Variants in BACH2 observed in about 807,000 individuals in gnomAD.
BACH2 encodes transcription regulator protein BACH2.
A neutral mutation model predicts 61.8 loss-of-function variants in BACH2; 5 were observed. That is an observed-to-expected ratio of 0.08 (90% CI 0.04 to 0.17). The LOEUF is 0.17. Among genes scored for constraint, BACH2 ranks in the 10% least tolerant of loss-of-function variants. The pLI is 1.00. For missense variants in BACH2, 824 were observed against 1,091.1 expected, an observed-to-expected ratio of 0.76 and a Z score of 3.45; for synonymous variants, 446 against 440.1, an observed-to-expected ratio of 1.01 and a Z score of -0.17.
chr6:90,223,771 A>G (rs188265654), intron 3 of BACH2, among the ~76,000 whole-genome samples: 270 of 152,294 alleles, frequency 1.8e-3, no homozygotes, highest in African/African-American at 5.6e-3. Context: ...CACCAGGCTC[A>G]GCCTCAATTG....
At chr6:90,102,791 AAATAATAAT>A (rs372366852) in intron 4 of BACH2, among the ~76,000 whole-genome samples, 6,540 of 113,618 alleles carry the variant, frequency 0.058, 205 homozygotes, top group South Asian at 0.1. Context: ...ACTCCATTTC[AAATAATAAT>A]AATAATAATA....
intron 6 of BACH2, among the ~76,000 whole-genome samples, chr6:89,958,341 TG>T (rs1007015079): frequency 8.5e-5 from 13 of 152,356 alleles, no homozygotes; most frequent in African/African-American, 2.4e-4. Context: ...ATGCAAGGTC[TG>T]GGGACTCCAC....
chr6:90,238,295 G>C (rs778978271), intron 3 of BACH2, among the ~76,000 whole-genome samples: 7 of 152,160 alleles, frequency 4.6e-5, no homozygotes, highest in Non-Finnish European at 1.0e-4. Context: ...AAAATTATGG[G>C]AAGACACACA....
At chr6:90,194,067 A>AT (rs879794355) in intron 4 of BACH2, among the ~76,000 whole-genome samples, 81 of 147,700 alleles carry the variant, frequency 5.5e-4, no homozygotes, top group South Asian at 1.3e-3. Context: ...AATCCACTTA[A>AT]TTTTTTTTTT....
At chr6:90,031,490 G>A (rs539977350) in intron 5 of BACH2, among the ~76,000 whole-genome samples, 1 of 151,998 alleles carries the variant, frequency 6.6e-6, no homozygotes, top group Non-Finnish European at 1.5e-5. Context: ...TAAGCTGATA[G>A]GCAACTTCAG....
At chr6:90,257,494 C>T (rs928286832) in intron 2 of BACH2, among the ~76,000 whole-genome samples, 1 of 152,162 alleles carries the variant, frequency 6.6e-6, no homozygotes, top group African/African-American at 2.4e-5. Flanking sequence ...TTTCATATGC[C>T]TGTGGCCATC....
chr6:90,100,319 T>G (rs1331665162), intron 4 of BACH2, among the ~76,000 whole-genome samples: 1 of 152,192 alleles, frequency 6.6e-6, no homozygotes, highest in African/African-American at 2.4e-5. Context: ...CTAGGTAGGA[T>G]GGTTAATTTT....
At chr6:90,106,404 G>C (rs1033503405) in intron 4 of BACH2, among the ~76,000 whole-genome samples, 2 of 152,128 alleles carry the variant, frequency 1.3e-5, no homozygotes, top group Admixed American at 1.3e-4. Flanking sequence ...CCTTTTCTAT[G>C]TTTAGATACA....
At chr6:90,032,266 T>C (rs911360022) in intron 5 of BACH2, among the ~76,000 whole-genome samples, 8 of 149,704 alleles carry the variant, frequency 5.3e-5, no homozygotes, top group Non-Finnish European at 1.2e-4. Context: ...AAAGAAAACC[T>C]AGGCAATACC....
In BACH2 at chr6:90,008,567, A is replaced by T. The variant is rs1379551019; in HGVS notation, c.243+35T>A. ...GCCAGTTTTCTGTAAGTCAATAAAC[A>T]TTCATTAACAATCACACAAACCAAA... On this transcript the variant is annotated intron_variant, in intron 6 of 8. Transcript: ENST00000257749. The surrounding 1 kb of genome is among the most constrained non-coding windows in gnomAD (Gnocchi z 4.1). 5 of 1,609,886 alleles carry T rather than the reference A, an allele frequency of 3.1e-6. No homozygotes were observed. The Admixed American group carries it at 8.3e-5, about 27-fold the overall frequency.
chr6:90,082,703 T>C (rs948825012), intron 5 of BACH2, among the ~76,000 whole-genome samples: 2 of 152,344 alleles, frequency 1.3e-5, no homozygotes, highest in Admixed American at 1.3e-4. Flanking sequence ...TTATAAATTA[T>C]GTAGAATACA....
At chr6:90,286,214 A>G (rs1196094905) in intron 1 of BACH2, among the ~76,000 whole-genome samples, 2 of 152,228 alleles carry the variant, frequency 1.3e-5, no homozygotes, top group Non-Finnish European at 2.9e-5. Flanking sequence ...AGACAAGCAC[A>G]GTTCCTGTTT....
intron 5 of BACH2, among the ~76,000 whole-genome samples, chr6:90,049,841 A>G (rs1036889626): frequency 6.6e-6 from 1 of 152,240 alleles, no homozygotes; most frequent in African/African-American, 2.4e-5. Context: ...CATCCCAAGG[A>G]AAAGCATTTG....
intron 6 of BACH2, among the ~76,000 whole-genome samples, chr6:89,981,264 C>T (rs909277081): frequency 3.3e-5 from 5 of 151,700 alleles, no homozygotes; most frequent in Admixed American, 1.3e-4. Context: ...CCCCAGTAGC[C>T]GGGACTACAG....
At chr6:89,942,434 C>T (rs1243266765) in intron 7 of BACH2, among the ~76,000 whole-genome samples, 2 of 152,130 alleles carry the variant, frequency 1.3e-5, no homozygotes, top group African/African-American at 4.8e-5. Flanking sequence ...ACCTCTTTTC[C>T]TTCTAGATAA....
chr6:90,248,089 CTT>C (rs1228189807), intron 3 of BACH2, among the ~76,000 whole-genome samples: 1 of 152,188 alleles, frequency 6.6e-6, no homozygotes, highest in Non-Finnish European at 1.5e-5. Context: ...CATTGTGTCT[CTT>C]TGCTATCTCC....
intron 4 of BACH2, among the ~76,000 whole-genome samples, chr6:90,184,554 T>C (rs1031931343): frequency 2.0e-5 from 3 of 152,050 alleles, no homozygotes; most frequent in Non-Finnish European, 4.4e-5. Flanking sequence ...GAAACAGAAG[T>C]GGTAAGAAGA....
intron 4 of BACH2, among the ~76,000 whole-genome samples, chr6:90,156,247 T>A (rs893606153): frequency 7.9e-5 from 12 of 152,202 alleles, no homozygotes; most frequent in African/African-American, 2.9e-4. Flanking sequence ...TTAATACTTT[T>A]GTATAGCACT....
chr6:90,178,863 A>G (rs762435371), intron 4 of BACH2, among the ~76,000 whole-genome samples: 3 of 152,164 alleles, frequency 2.0e-5, no homozygotes, highest in Non-Finnish European at 2.9e-5. Context: ...CCTGGGAGAC[A>G]TGGCTGGACT....
Sources: allele counts gnomAD v4.1 joint callset (sites outside exome capture counted in the v4.1 genomes callset), GRCh38; gene constraint gnomAD v4.1.1; non-coding constraint Gnocchi (gnomAD v3.1); transcripts MANE v1.5; gene names NCBI Gene and HGNC (gene_info 2026-07-23, HGNC 2026-07-21).